Variants in QTMAN observed in about 807,000 individuals in gnomAD.
QTMAN encodes the protein tRNA-queuosine alpha-mannosyltransferase.
At chr2:144,077,012 A>G in the QTMAN span, among the ~76,000 whole-genome samples, 1 of 151,580 alleles carries the variant, frequency 6.6e-6, no homozygotes, top group Non-Finnish European at 1.5e-5. Flanking sequence ...AATATAAACA[A>G]TAGATTAAAA....
At chr2:144,022,560 C>CTTTTTTTTT in the QTMAN span, among the ~76,000 whole-genome samples, 3 of 104,244 alleles carry the variant, frequency 2.9e-5, no homozygotes, top group Admixed American at 1.0e-4. Flanking sequence ...CTCTCTCTCT[C>CTTTTTTTTT]TTTTTTTTTT....
chr2:144,231,511 T>G, the QTMAN span, among the ~76,000 whole-genome samples: 1 of 152,262 alleles, frequency 6.6e-6, no homozygotes, highest in South Asian at 2.1e-4. Flanking sequence ...ACTAAAAAGA[T>G]AATAGCTTTG....
the QTMAN span, among the ~76,000 whole-genome samples, chr2:144,267,475 A>T: frequency 1.3e-5 from 2 of 152,186 alleles, no homozygotes; most frequent in Admixed American, 1.3e-4. Flanking sequence ...GTCACCAGTG[A>T]CCTTCACGAG....
the QTMAN span, among the ~76,000 whole-genome samples, chr2:144,135,243 T>C: frequency 6.6e-6 from 1 of 152,144 alleles, no homozygotes; most frequent in African/African-American, 2.4e-5. Flanking sequence ...GAGAATCTTG[T>C]AGGGGGACAG....
the QTMAN span, among the ~76,000 whole-genome samples, chr2:144,133,132 T>TTTTTATATAA: frequency 2.5e-5 from 1 of 40,444 alleles, no homozygotes; most frequent in African/African-American, 1.3e-4. Flanking sequence ...TATATATATA[T>TTTTTATATAA]ATATATATAT....
the QTMAN span, among the ~76,000 whole-genome samples, chr2:144,091,362 A>G: frequency 2.6e-3 from 389 of 152,302 alleles, no homozygotes; most frequent in East Asian, 0.01. Context: ...TGGGTTATAT[A>G]AAGGTTACTC....
chr2:144,051,068 CATT>C, the QTMAN span, among the ~76,000 whole-genome samples: 1 of 152,160 alleles, frequency 6.6e-6, no homozygotes, highest in Non-Finnish European at 1.5e-5. Context: ...ATAGTTGTAT[CATT>C]ATATTGAGTA....
chr2:143,948,983 A>T, the QTMAN span, among the ~76,000 whole-genome samples: 1 of 152,156 alleles, frequency 6.6e-6, no homozygotes, highest in South Asian at 2.1e-4. Context: ...AACTGTAGAC[A>T]TAAACTTTGT....
the QTMAN span, among the ~76,000 whole-genome samples, chr2:144,169,696 G>A: frequency 6.6e-6 from 1 of 151,878 alleles, no homozygotes; most frequent in African/African-American, 2.4e-5. Flanking sequence ...TATTGTGTAT[G>A]TACATTTTAA....
chr2:144,240,568 G>C, the QTMAN span, among the ~76,000 whole-genome samples: 1 of 152,164 alleles, frequency 6.6e-6, no homozygotes, highest in African/African-American at 2.4e-5. Context: ...TAATGTGACT[G>C]CTTTTTTAAA....
At chr2:144,054,656 T>C in the QTMAN span, among the ~76,000 whole-genome samples, 385 of 152,340 alleles carry the variant, frequency 2.5e-3, 1 homozygote, top group African/African-American at 8.8e-3. Context: ...CTGGCCTGGA[T>C]GATGGGGCTG....
the QTMAN span, among the ~76,000 whole-genome samples, chr2:144,018,556 C>A: frequency 6.6e-6 from 1 of 152,018 alleles, no homozygotes; most frequent in East Asian, 1.9e-4. Context: ...TTTAGTATTT[C>A]TTAGTTCAGA....
At chr2:144,331,084 T>A in the QTMAN span, among the ~76,000 whole-genome samples, 7 of 152,110 alleles carry the variant, frequency 4.6e-5, no homozygotes, top group Non-Finnish European at 1.0e-4. Flanking sequence ...TCAAAGAAAG[T>A]TTCGTGATTC....
the QTMAN span, among the ~76,000 whole-genome samples, chr2:144,229,945 T>C: frequency 1.3e-5 from 2 of 152,136 alleles, no homozygotes; most frequent in Admixed American, 6.6e-5. Context: ...ATAATAACTA[T>C]AGTCACATAA....
At chr2:144,240,784 T>G in the QTMAN span, among the ~76,000 whole-genome samples, 1 of 152,194 alleles carries the variant, frequency 6.6e-6, no homozygotes, top group African/African-American at 2.4e-5. Context: ...CCAAAGCAAT[T>G]GTTTTAAAAC....
the QTMAN span, chr2:143,957,374 A>G: frequency 2.9e-6 from 4 of 1,387,312 alleles, no homozygotes; most frequent in Non-Finnish European, 3.9e-6. Context: ...TCATCTATTT[A>G]ATATAGTGTA....
At chr2:144,058,404 G>GC in the QTMAN span, among the ~76,000 whole-genome samples, 2 of 152,082 alleles carry the variant, frequency 1.3e-5, no homozygotes, top group East Asian at 3.9e-4. Context: ...ATTTAAGAGT[G>GC]CCCAATCTAT....
At chr2:144,131,344 A>C in the QTMAN span, among the ~76,000 whole-genome samples, 2 of 151,934 alleles carry the variant, frequency 1.3e-5, no homozygotes, top group South Asian at 4.1e-4. Flanking sequence ...TCAAGTTGTC[A>C]CATCAACTTG....
the QTMAN span, among the ~76,000 whole-genome samples, chr2:144,212,190 C>T: frequency 3.3e-5 from 5 of 152,166 alleles, no homozygotes; most frequent in African/African-American, 7.2e-5. Context: ...AGGCTGGGTA[C>T]GGTGGCTCAC....
Sources: allele counts gnomAD v4.1 joint callset (sites outside exome capture counted in the v4.1 genomes callset), GRCh38; gene constraint gnomAD v4.1.1; transcripts MANE v1.5; gene names NCBI Gene and HGNC (gene_info 2026-07-23, HGNC 2026-07-21).